The following LRP2 variants were observed in gnomAD, a reference collection of about 807,000 sequenced individuals.
LRP2 encodes the protein low-density lipoprotein receptor-related protein 2.
LRP2 carries 172 observed loss-of-function variants against 531.0 expected under a neutral mutation model. The ratio of observed to expected loss-of-function variants is 0.32; its 90% CI spans 0.29 to 0.37. The LOEUF is 0.37. Ranked by LOEUF, LRP2 falls within the 10% of genes least tolerant of loss-of-function variation. The pLI, the probability that LRP2 is intolerant of heterozygous loss-of-function variation, is 1.00. For synonymous variants in LRP2, 1,992 were observed against 2,027.6 expected (o/e 0.98, Z 0.47); for missense variants, 5,167 against 5,868.3 (o/e 0.88, Z 3.90).
intron 4 of LRP2, among the ~76,000 whole-genome samples, chr2:169,303,507 C>A (rs979620010): frequency 1.3e-5 from 2 of 152,086 alleles, no homozygotes; most frequent in Non-Finnish European, 2.9e-5. Context: ...GAGCTTTAAA[C>A]AAAGAAGGAA....
chr2:169,177,723 A>G, intron 53 of LRP2, 80 bp downstream of exon 53: 1 of 1,225,388 alleles, frequency 8.2e-7, no homozygotes, highest in South Asian at 1.2e-5. Context: ...TTTGTAAATC[A>G]CGAAGTTCAT....
chr2:169,320,922 T>G (rs1684893758), intron 1 of LRP2, 38 bp from the exon 2 acceptor site: 4 of 1,365,440 alleles, frequency 2.9e-6, no homozygotes, highest in Admixed American at 1.7e-5. Flanking sequence ...ACTTATGCCA[T>G]GCAGATATTT....
chr2:169,166,531 T>C (rs1321482043), intron 61 of LRP2, among the ~76,000 whole-genome samples: 1 of 152,216 alleles, frequency 6.6e-6, no homozygotes, highest in Non-Finnish European at 1.5e-5. Flanking sequence ...TGGACTCTTA[T>C]CCTAACAGCC....
At chr2:169,214,664 G>C (rs937736337) in intron 35 of LRP2, among the ~76,000 whole-genome samples, 14 of 152,174 alleles carry the variant, frequency 9.2e-5, no homozygotes, top group Non-Finnish European at 1.5e-4. Context: ...GCCTGGAGGA[G>C]AGAGTGGAGA....
chr2:169,301,378 G>A (rs1047623122), intron 4 of LRP2, among the ~76,000 whole-genome samples: 8 of 149,882 alleles, frequency 5.3e-5, no homozygotes, highest in South Asian at 2.1e-4. Context: ...AAAATGGACC[G>A]CAGTTTTGAA....
Position 169,172,151 on chromosome 2 carries a change from G to T in LRP2, c.11144-17C>A. ...TCCTCTCCTCTGCAAAGCAGTCATT[G>T]CAAAGACTTCATAAACCATTGGCAG... On this transcript the variant is annotated splice_polypyrimidine_tract_variant and intron_variant, in intron 57 of 78. Transcript: ENST00000649046. 1 of 1,613,992 alleles carries T rather than the reference G, an allele frequency of 6.2e-7. No individual in the cohort carries two copies. The highest frequency in any genetic ancestry group is 8.5e-7 in the Non-Finnish European group (1 of 1,179,914).
intron 16 of LRP2, among the ~76,000 whole-genome samples, chr2:169,265,193 C>A (rs2544385): frequency 0.065 from 9,821 of 151,716 alleles, 420 homozygotes; most frequent in Middle Eastern, 0.1. Flanking sequence ...CAGAACAGAC[C>A]ACCATCTCCC....
chr2:169,280,438 A>C lies in LRP2; in HGVS notation c.1253T>G (p.Val418Gly). ...DIHGRSFRIL[V>G]ESQNRGVAVG... ...GGCCACTCCACGATTCTGAGACTCC[A>C]CTAGGATCCGGAAGCTCCTTCCATG... The change falls in exon 11 of 79, where the codon GTG becomes GGG. Residue 418 changes from valine to glycine, a missense_variant. Val to Gly is a moderately radical substitution (Grantham distance 109). Coordinates refer to ENST00000649046, the MANE Select transcript of LRP2 (RefSeq NM_004525.3). The C allele has an allele frequency of 6.2e-7, 1 of 1,614,208 alleles. No individual in the cohort carries two copies. The highest frequency in any genetic ancestry group is 1.1e-5 in the South Asian group (1 of 91,084).
In LRP2 at chr2:169,231,631, G is replaced by A. The variant is rs547614595; in HGVS notation, c.5227+83C>T. ...CAAAGGACACAGCACATGTTCAGTC[G>A]CAATTGGTTTTAGAGTTTCCACTGC... On this transcript the variant is annotated intron_variant, in intron 31 of 78. Transcript: ENST00000649046. The A allele has an allele frequency of 7.8e-6, 12 of 1,545,410 alleles. No individual in the cohort carries two copies. The Admixed American group carries it at 1.0e-4, about 13-fold the overall frequency.
At position 169,239,532 on chromosome 2, in the gene LRP2, A is replaced by C; in HGVS notation, c.4289T>G (p.Val1430Gly). The C allele has an allele frequency of 6.2e-7, 1 of 1,614,056 alleles. No homozygotes were observed. Among genetic ancestry groups the C allele is most frequent in the Non-Finnish European group, 8.5e-7 (1 of 1,179,928 alleles). ...MLESDGRTCK[V>G]TASESLLLLV... ...CGGGTTAGTTCAGCAATTACCTGTAACTTTGCAAGTCCTCCCATCACTTTC... is the reference window on the plus strand; with the variant it reads ...CGGGTTAGTTCAGCAATTACCTGTACCTTTGCAAGTCCTCCCATCACTTTC... Residue 1430 changes from valine (V) to glycine (G), a missense_variant, in exon 26 of 79, where the codon GTT becomes GGT. Around this residue, in one of 6 missense-constraint regions of LRP2, gnomAD observed 2,811 missense variants for 3,058.0 expected, o/e 0.92. Coordinates refer to ENST00000649046, the MANE Select transcript of LRP2 (RefSeq NM_004525.3).
chr2:169,344,197 G>A (rs1295524542), intron 1 of LRP2, among the ~76,000 whole-genome samples: 1 of 152,042 alleles, frequency 6.6e-6, no homozygotes, highest in Non-Finnish European at 1.5e-5. Flanking sequence ...GCATGCACAT[G>A]CCATGGTGGT....
chr2:169,200,247 T>C (rs1280812364), intron 44 of LRP2, among the ~76,000 whole-genome samples: 3 of 152,064 alleles, frequency 2.0e-5, no homozygotes, highest in Non-Finnish European at 4.4e-5. Flanking sequence ...CAAGACTCCA[T>C]CTCAAAAAAA....
At chr2:169,358,805 C>A (rs1468595531) in intron 1 of LRP2, among the ~76,000 whole-genome samples, 3 of 146,666 alleles carry the variant, frequency 2.0e-5, no homozygotes, top group Non-Finnish European at 4.5e-5. Context: ...CCAGCCTGGG[C>A]AACACAGTGA....
intron 1 of LRP2, among the ~76,000 whole-genome samples, chr2:169,331,953 CT>C (rs1403791009): frequency 6.6e-6 from 1 of 152,202 alleles, no homozygotes; most frequent in Non-Finnish European, 1.5e-5. Flanking sequence ...AGGCAGCTTT[CT>C]TGCTTAAGGC....
chr2:169,260,144 A>C (rs1212802995), intron 16 of LRP2, among the ~76,000 whole-genome samples: 1 of 152,144 alleles, frequency 6.6e-6, no homozygotes, highest in Non-Finnish European at 1.5e-5. Flanking sequence ...AGAGAAGTTA[A>C]GCATCTGGAA....
intron 68 of LRP2, among the ~76,000 whole-genome samples, chr2:169,148,243 G>C (rs563022124): frequency 6.6e-6 from 1 of 152,206 alleles, no homozygotes; most frequent in African/African-American, 2.4e-5. Flanking sequence ...GATTCCATTT[G>C]TAGGAAATGT....
At position 169,177,889 on chromosome 2, in the gene LRP2, T is replaced by C. The variant is rs201200378; in HGVS notation, c.10307A>G (p.Tyr3436Cys). 6.2e-7 allele frequency: 1 copy of C among 1,614,226 alleles called. No individual in the cohort carries two copies. Among genetic ancestry groups the C allele is most frequent in the Non-Finnish European group, 8.5e-7 (1 of 1,180,028 alleles). Residue 3436 changes from tyrosine to cysteine, a missense_variant, in exon 53 of 79, where the codon TAT becomes TGT. Around this residue, in one of 6 missense-constraint regions of LRP2, gnomAD observed 1,129 missense variants for 1,362.7 expected, o/e 0.83. Transcript: ENST00000649046. ...NTRTVEKGNK[Y>C]DGSNRQTLVN... ...CAGTGTCTGTCTATTTGATCCATCA[T>C]ATTTGTTTCCCTTTTCCACTGTCCT... is the stretch of plus-strand genomic sequence containing the variant.
chr2:169,180,538 G>A (rs1387420154), intron 52 of LRP2, among the ~76,000 whole-genome samples: 1 of 152,250 alleles, frequency 6.6e-6, no homozygotes, highest in Non-Finnish European at 1.5e-5. Context: ...GGAAGAAAGA[G>A]CACTGGCGTG....
chr2:169,328,808 C>T lies in LRP2; in HGVS notation c.80-7924G>A, dbSNP rs138275398. The stretch of plus-strand genomic sequence containing the variant: ...CCCCAGGACCTGTGTGACTCCAGAG[C>T]CTGTACTTATTTCATCATTTCATGT... On this transcript the variant is annotated intron_variant, in intron 1 of 78. Transcript: ENST00000649046. Among the ~76,000 whole-genome samples, 422 of 152,300 alleles carry T rather than the reference C, an allele frequency of 2.8e-3. 1 individual carries two copies. The highest frequency in any genetic ancestry group is 9.7e-3 in the African/African-American group (403 of 41,562).
Sources: gnomAD v4.1 joint callset for allele counts (sites outside exome capture counted in the v4.1 genomes callset) on GRCh38, gnomAD v4.1.1 for gene constraint, gnomAD v4.1.1 regional missense constraint, MANE v1.5 for transcripts, NCBI Gene and HGNC (gene_info 2026-07-23, HGNC 2026-07-21) for gene names.